Variants in NKAIN3 observed in about 807,000 individuals in gnomAD.
NKAIN3 encodes the protein sodium/potassium transporting ATPase interacting 3, also known as sodium/potassium-transporting ATPase subunit beta-1-interacting protein 3.
Under a neutral mutation model 30.2 loss-of-function variants are expected in NKAIN3, and 25 were observed. That is an observed-to-expected ratio of 0.83 (90% confidence interval 0.60 to 1.16). The LOEUF is 1.16. Ranked by LOEUF, NKAIN3 falls within the 50% of genes most tolerant of loss-of-function variation. The probability of loss-of-function intolerance (pLI) is 0.00; values close to 1 mark genes in which losing one functional copy is unlikely to be tolerated. For synonymous variants in NKAIN3, 91 were observed against 89.6 expected, an observed-to-expected ratio of 1.02 and a Z score of -0.09; for missense variants, 225 against 254.1, an observed-to-expected ratio of 0.89 and a Z score of 0.78.
intron 1 of NKAIN3, chr8:62,344,756 C>A: frequency 2.9e-6 from 1 of 348,810 alleles, no homozygotes; most frequent in Non-Finnish European, 5.6e-6. Flanking sequence ...TTGCTACACA[C>A]TAGTAAGCCA....
At chr8:62,889,020 A>G (rs753144269) in intron 4 of NKAIN3, among the ~76,000 whole-genome samples, 11 of 152,224 alleles carry the variant, frequency 7.2e-5, no homozygotes, top group African/African-American at 2.7e-4. Flanking sequence ...AATGGACTAG[A>G]TGCAAAGTTA....
chr8:62,470,309 C>A (rs559147331), intron 1 of NKAIN3, among the ~76,000 whole-genome samples: 1 of 152,100 alleles, frequency 6.6e-6, no homozygotes, highest in Non-Finnish European at 1.5e-5. Flanking sequence ...TATTGGAAGT[C>A]TTTTTAGAAC....
chr8:62,666,510 T>C (rs1453252524), intron 3 of NKAIN3, among the ~76,000 whole-genome samples: 1 of 152,220 alleles, frequency 6.6e-6, no homozygotes, highest in African/African-American at 2.4e-5. Context: ...GAAGATTATG[T>C]ATGCATATTT....
intron 4 of NKAIN3, among the ~76,000 whole-genome samples, chr8:62,809,296 A>G (rs1444706598): frequency 6.6e-6 from 1 of 152,226 alleles, no homozygotes; most frequent in African/African-American, 2.4e-5. Context: ...TCAGCTTATG[A>G]AGATGACAGG....
At chr8:62,856,977 T>C in intron 4 of NKAIN3, 1 of 533,792 alleles carries the variant, frequency 1.9e-6, no homozygotes, top group Non-Finnish European at 3.6e-6. Context: ...AAAAACAAAC[T>C]ATCTCTTCCT....
chr8:62,356,257 T>A (rs1415895973), intron 1 of NKAIN3, among the ~76,000 whole-genome samples: 2 of 152,230 alleles, frequency 1.3e-5, no homozygotes. Context: ...TGATTATGCA[T>A]GTGATATTAG....
At chr8:62,813,511 T>C (rs530253723) in intron 4 of NKAIN3, among the ~76,000 whole-genome samples, 4 of 151,724 alleles carry the variant, frequency 2.6e-5, no homozygotes, top group African/African-American at 9.7e-5. Context: ...TTTTTTTTTT[T>C]TTATTAATCC....
intron 4 of NKAIN3, among the ~76,000 whole-genome samples, chr8:62,775,982 A>G (rs1488380509): frequency 1.3e-5 from 2 of 152,002 alleles, no homozygotes; most frequent in Non-Finnish European, 1.5e-5. Flanking sequence ...TACAACTTTT[A>G]TATCCACCTG....
intron 1 of NKAIN3, among the ~76,000 whole-genome samples, chr8:62,363,767 C>T (rs534284761): frequency 6.6e-6 from 1 of 152,186 alleles, no homozygotes; most frequent in African/African-American, 2.4e-5. Context: ...AATAAGCTAC[C>T]CCTTGAGCAA....
At chr8:62,920,386 A>G (rs1822243634) in intron 5 of NKAIN3, among the ~76,000 whole-genome samples, 1 of 152,194 alleles carries the variant, frequency 6.6e-6, no homozygotes, top group Non-Finnish European at 1.5e-5. Flanking sequence ...CAGATTAATC[A>G]ATAGTCTTAT....
At chr8:62,632,538 T>C (rs192237378) in intron 3 of NKAIN3, among the ~76,000 whole-genome samples, 95 of 152,292 alleles carry the variant, frequency 6.2e-4, no homozygotes, top group Middle Eastern at 3.4e-3. Context: ...AATCTTGCTC[T>C]GTCACTCAGG....
rs370220191 is a variant in NKAIN3, at chr8:62,405,690, G to C, written c.54+156563G>C. On this transcript the variant is annotated intron_variant, in intron 1 of 6. Transcript: ENST00000623646. ...CCTACCCTCTTCAGTGCCTCTTTCA[G>C]TGATGTGAGCTAAAACCAGGTACTG... 5.9e-5 allele frequency among the ~76,000 whole-genome samples: 9 copies of C among 152,304 alleles called. No homozygotes were observed. In the East Asian group the frequency reaches 1.5e-3, roughly 26 times the overall value.
rs540844301 is a variant in NKAIN3 at position 62,884,818 on chromosome 8, T to C, written c.472-33635T>C. On this transcript the variant is annotated intron_variant, in intron 4 of 6. Transcript: ENST00000623646. Reference sequence around the variant, plus strand: ...TTTGATGCCTATGGATGTGTAGTGATGTCCCCTCTTTCAGTTTTGATGTTA... The same window carrying C: ...TTTGATGCCTATGGATGTGTAGTGACGTCCCCTCTTTCAGTTTTGATGTTA... Among the ~76,000 whole-genome samples the C allele has an allele frequency of 2.0e-5, 3 of 152,324 alleles. No homozygotes were observed. The South Asian group carries it at 6.2e-4, about 32-fold the overall frequency.
intron 1 of NKAIN3, among the ~76,000 whole-genome samples, chr8:62,254,511 A>T (rs1302776787): frequency 6.6e-6 from 1 of 152,182 alleles, no homozygotes; most frequent in African/African-American, 2.4e-5. Context: ...TACTTTAAAA[A>T]TAGGGCTGAC....
intron 4 of NKAIN3, among the ~76,000 whole-genome samples, chr8:62,835,274 G>A (rs927488966): frequency 6.6e-6 from 1 of 152,084 alleles, no homozygotes; most frequent in Non-Finnish European, 1.5e-5. Flanking sequence ...AATAATTTAT[G>A]ACTAAGTCCT....
chr8:62,585,400 T>C (rs965836596), intron 2 of NKAIN3, among the ~76,000 whole-genome samples: 7 of 152,168 alleles, frequency 4.6e-5, no homozygotes, highest in African/African-American at 1.7e-4. Context: ...CTTTGCCACA[T>C]AGTACTCCTT....
intron 3 of NKAIN3, among the ~76,000 whole-genome samples, chr8:62,640,082 C>A (rs561042351): frequency 8.5e-5 from 13 of 152,230 alleles, no homozygotes; most frequent in African/African-American, 2.9e-4. Context: ...TTTTCCCAAT[C>A]ATTTACAAGT....
At chr8:62,682,097 C>T (rs1258681623) in intron 3 of NKAIN3, among the ~76,000 whole-genome samples, 2 of 152,082 alleles carry the variant, frequency 1.3e-5, no homozygotes, top group Non-Finnish European at 2.9e-5. Context: ...AGAGAATCCA[C>T]CAACCCTTTG....
intron 6 of NKAIN3, among the ~76,000 whole-genome samples, chr8:62,962,450 A>G (rs1823595739): frequency 6.6e-6 from 1 of 152,214 alleles, no homozygotes; most frequent in Non-Finnish European, 1.5e-5. Flanking sequence ...ATTTTTGTCA[A>G]TTTTGATAGG....
Sources: gnomAD v4.1 joint callset for allele counts (sites outside exome capture counted in the v4.1 genomes callset) on GRCh38, gnomAD v4.1.1 for gene constraint, MANE v1.5 for transcripts, NCBI Gene and HGNC (gene_info 2026-07-23, HGNC 2026-07-21) for gene names.